Variants in DMD observed in about 807,000 individuals in gnomAD.
The protein encoded by DMD is mutant dystrophin.
A neutral mutation model predicts 330.1 loss-of-function variants in DMD; 63 were observed. That is an observed-to-expected ratio of 0.19 (90% CI 0.16 to 0.24). The LOEUF (loss-of-function observed/expected upper bound fraction) is 0.24. DMD is among the 10% of genes least tolerant of loss of function. The pLI is 1.00. For missense variants in DMD, 3,344 were observed against 2,684.1 expected, an observed-to-expected ratio of 1.25 and a Z score of -5.43; for synonymous variants, 1,223 against 959.8, an observed-to-expected ratio of 1.27 and a Z score of -5.07.
chrX:32,518,063 T>A lies in DMD; in HGVS notation c.2237A>T (p.Glu746Val). The A allele has an allele frequency of 8.3e-7, 1 of 1,210,559 alleles. No homozygotes were observed. Among genetic ancestry groups the A allele is most frequent in the Non-Finnish European group, 1.1e-6 (1 of 894,354 alleles). Reference protein sequence around the residue: ...TRSEAVLQSPEFAIFRKEGNF... With the variant: ...TRSEAVLQSPVFAIFRKEGNF... ...GCCTTCCTTCCGAAAGATTGCAAAT[T>A]CAGGACTCTGCAACACAGCTTCTGA... Residue 746 changes from glutamate (E) to valine (V), a missense_variant, in exon 18 of 79, where the codon GAA becomes GTA. Transcript: ENST00000357033.
At chrX:32,938,792 G>C (rs2090192278) in intron 2 of DMD, among the ~76,000 whole-genome samples, 1 of 111,359 alleles carries the variant, frequency 9.0e-6, no homozygotes, top group Non-Finnish European at 1.9e-5. Context: ...CATAGATCAA[G>C]TAATAAGACA....
intron 59 of DMD, among the ~76,000 whole-genome samples, chrX:31,473,720 A>AAAAAAAAAAAAAAAAG (rs1310270784): frequency 5.5e-4 from 57 of 104,355 alleles, no homozygotes; most frequent in African/African-American, 1.6e-3. Flanking sequence ...TCAAAAAAAA[A>AAAAAAAAAAAAAAAAG]AAAAAAAAGA....
chrX:32,993,869 A>G (rs2093044579), intron 2 of DMD, among the ~76,000 whole-genome samples: 2 of 110,958 alleles, frequency 1.8e-5, no homozygotes, highest in Non-Finnish European at 3.8e-5. Context: ...ACAAGAGAAA[A>G]GCATACAAAT....
intron 4 of DMD, among the ~76,000 whole-genome samples, chrX:32,833,275 AAAG>A (rs2079305814): frequency 9.0e-6 from 1 of 111,217 alleles, no homozygotes; most frequent in Admixed American, 9.6e-5. Flanking sequence ...CTTTGACAAT[AAAG>A]AATTGAGGCA....
At chrX:32,372,027 T>G (rs1024774738) in intron 34 of DMD, among the ~76,000 whole-genome samples, 1 of 111,696 alleles carries the variant, frequency 9.0e-6, no homozygotes, top group Non-Finnish European at 1.9e-5. Flanking sequence ...TAATTTGGTA[T>G]AGTGGAAAAA....
chrX:31,366,387 G>A (rs763293953), intron 60 of DMD, among the ~76,000 whole-genome samples: 1 of 90,562 alleles, frequency 1.1e-5, no homozygotes, highest in Non-Finnish European at 2.1e-5. Flanking sequence ...AACCCTTGTG[G>A]ATCTCACTGG....
intron 5 of DMD, among the ~76,000 whole-genome samples, chrX:32,821,878 T>C (rs767801727): frequency 9.0e-6 from 1 of 110,861 alleles, no homozygotes; most frequent in South Asian, 3.8e-4. Flanking sequence ...TAGATCGCTA[T>C]GATGGCTATA....
At chrX:31,190,624 G>T in intron 67 of DMD, among the ~76,000 whole-genome samples, 1 of 60,894 alleles carries the variant, frequency 1.6e-5, no homozygotes, top group Non-Finnish European at 3.3e-5. Context: ...GGGGAGGGCG[G>T]GGAGGGGGTG....
At chrX:31,648,642 A>AG (rs2080250468) in intron 54 of DMD, among the ~76,000 whole-genome samples, 4 of 85,825 alleles carry the variant, frequency 4.7e-5, no homozygotes, top group Non-Finnish European at 4.9e-5. Context: ...AAAAAAAAAA[A>AG]AAAAAAAAAA....
At chrX:31,336,327 G>A (rs1401255661) in intron 61 of DMD, among the ~76,000 whole-genome samples, 1 of 111,923 alleles carries the variant, frequency 8.9e-6, no homozygotes, top group Non-Finnish European at 1.9e-5. Context: ...GCTAAGGGAG[G>A]GGAGTGCTAC....
intron 61 of DMD, among the ~76,000 whole-genome samples, chrX:31,337,871 C>A (rs2692976): frequency 0.46 from 51,111 of 110,471 alleles, 8,466 homozygotes; most frequent in East Asian, 0.7. Flanking sequence ...CCATGTAAGT[C>A]CGTGACGAAG....
intron 27 of DMD, among the ~76,000 whole-genome samples, chrX:32,446,567 G>A (rs1171835711): frequency 6.4e-5 from 7 of 110,012 alleles, no homozygotes; most frequent in African/African-American, 2.3e-4. Context: ...AGAAGCAAAG[G>A]GAAGAACAAA....
intron 61 of DMD, among the ~76,000 whole-genome samples, chrX:31,342,933 C>A (rs2057852426): frequency 9.0e-6 from 1 of 111,236 alleles, no homozygotes; most frequent in South Asian, 3.9e-4. Flanking sequence ...AGTGCCACCA[C>A]GCCCAGCTAA....
In DMD at chrX:32,446,263, G is replaced by A. The variant is rs111612309; in HGVS notation, c.3786+2193C>T. 4.7e-3 allele frequency among the ~76,000 whole-genome samples: 514 copies of A among 110,280 alleles called. 3 individuals are homozygous for A. The highest frequency in any genetic ancestry group is 0.016 in the African/African-American group (478 of 30,512). ...GACAAAGTTGAGTGAAACTGTAGAA[G>A]ACAAAATAGGGTGAAACTGCAGAGC... On this transcript the variant is annotated intron_variant, in intron 27 of 78. Transcript: ENST00000357033.
chrX:31,448,140 G>A (rs780878656), intron 59 of DMD, among the ~76,000 whole-genome samples: 2 of 111,174 alleles, frequency 1.8e-5, no homozygotes, highest in East Asian at 5.6e-4. Flanking sequence ...ACAGATAACT[G>A]GGGGCAAAGG....
At chrX:32,771,100 T>C (rs2073547381) in intron 7 of DMD, among the ~76,000 whole-genome samples, 1 of 111,776 alleles carries the variant, frequency 8.9e-6, no homozygotes, top group Non-Finnish European at 1.9e-5. Flanking sequence ...TGACTAGAAG[T>C]GAAGGCATGG....
intron 2 of DMD, among the ~76,000 whole-genome samples, chrX:32,881,708 TC>T (rs1252397843): frequency 8.9e-6 from 1 of 112,399 alleles, no homozygotes; most frequent in Non-Finnish European, 1.9e-5. Context: ...TGAAATTCAG[TC>T]AAATACTTAA....
intron 44 of DMD, among the ~76,000 whole-genome samples, chrX:31,989,833 G>A (rs1475723509): frequency 2.7e-5 from 3 of 110,866 alleles, no homozygotes; most frequent in African/African-American, 9.9e-5. Flanking sequence ...TGTAGACTCA[G>A]GGGTACATGT....
chrX:31,763,314 C>T (rs963134152), intron 51 of DMD, among the ~76,000 whole-genome samples: 7 of 112,150 alleles, frequency 6.2e-5, no homozygotes, highest in East Asian at 5.6e-4. Context: ...CTGTAATCCC[C>T]GCACTTTGGG....
Sources: allele counts gnomAD v4.1 joint callset (sites outside exome capture counted in the v4.1 genomes callset), GRCh38; gene constraint gnomAD v4.1.1; transcripts MANE v1.5; gene names NCBI Gene and HGNC (gene_info 2026-07-23, HGNC 2026-07-21).